C2orf69: variants seen among roughly 807,000 people sequenced by gnomAD.
C2orf69 encodes the protein chromosome 2 open reading frame 69.
A neutral mutation model predicts 29.5 loss-of-function variants in C2orf69; 19 were observed. The ratio of observed to expected loss-of-function variants is 0.65; its 90% CI spans 0.45 to 0.95. C2orf69 has a LOEUF of 0.95. Among genes scored for constraint, C2orf69 ranks in the 40% least tolerant of loss-of-function variants. The pLI is 0.00. For synonymous variants in C2orf69, 194 were observed against 180.0 expected (o/e 1.08, Z -0.62); for missense variants, 416 against 482.1 (o/e 0.86, Z 1.28).
At position 199,922,031 on chromosome 2, in the gene C2orf69, T is replaced by TATA. The variant is rs1553566021; in HGVS notation, c.334-3031_334-3030insATA. Reference sequence around the variant, plus strand: ...TTCCCCAAGGCTGCCACTGTTATTTTTATATATATATATATATATATATGC... The same window carrying TATA: ...TTCCCCAAGGCTGCCACTGTTATTTTATATATATATATATATATATATATATGC... On this transcript the variant is annotated intron_variant, in intron 1 of 1. Transcript: ENST00000319974. Among the ~76,000 whole-genome samples, 10 of 78,970 alleles carry TATA rather than the reference T, an allele frequency of 1.3e-4. No individual in the cohort carries two copies. In the South Asian group the frequency reaches 3.7e-3, roughly 30 times the overall value. 51.8% of individuals were successfully genotyped at this position (78,970 alleles called of 152,430 possible).
At position 199,925,634 on chromosome 2, in the gene C2orf69, T is replaced by A. The variant is rs1376870972; in HGVS notation, c.906T>A (p.Gly302=). 6.2e-7 allele frequency: 1 copy of A among 1,613,914 alleles called. No individual in the cohort carries two copies. The highest frequency in any genetic ancestry group is 8.5e-7 in the Non-Finnish European group (1 of 1,179,824). The change falls in exon 2 of 2, where the codon GGT becomes GGA. Residue 302 remains glycine (G), a synonymous_variant. Transcript: ENST00000319974. This position sits in a 1 kb window ranked among gnomAD's most constrained non-coding sequence, Gnocchi z 4.9. ...SIRTMYWLDG[G]HSGGSNTWVT... is the part of the protein sequence containing the mutation. ...GAACAATGTATTGGCTGGATGGTGG[T>A]CATTCTGGAGGAAGCAATACTTGGG...
At chr2:199,915,830 A>G (rs1004215860) in intron 1 of C2orf69, among the ~76,000 whole-genome samples, 3 of 152,080 alleles carry the variant, frequency 2.0e-5, no homozygotes, top group East Asian at 1.9e-4. Context: ...AGCTTCACCT[A>G]TCTTGATACT....
intron 1 of C2orf69, among the ~76,000 whole-genome samples, chr2:199,921,736 G>A (rs2077316901): frequency 6.6e-6 from 1 of 151,838 alleles, no homozygotes; most frequent in South Asian, 2.1e-4. Flanking sequence ...CTTGTTGGGG[G>A]AGAAGAATGC....
chr2:199,922,995 C>A (rs1250614629), intron 1 of C2orf69, among the ~76,000 whole-genome samples: 1 of 152,182 alleles, frequency 6.6e-6, no homozygotes, highest in Non-Finnish European at 1.5e-5. Context: ...ACATTTGCTA[C>A]TGTTGACTCC....
At chr2:199,916,346 A>G (rs2077292777) in intron 1 of C2orf69, among the ~76,000 whole-genome samples, 1 of 151,916 alleles carries the variant, frequency 6.6e-6, no homozygotes, top group African/African-American at 2.4e-5. Context: ...ACAATTCAAG[A>G]TGAGATTTGG....
At chr2:199,918,310 C>T (rs1033474135) in intron 1 of C2orf69, among the ~76,000 whole-genome samples, 2 of 151,966 alleles carry the variant, frequency 1.3e-5, no homozygotes, top group Non-Finnish European at 2.9e-5. Flanking sequence ...TTTTTAAAGC[C>T]TTGGGTATAT....
intron 1 of C2orf69, among the ~76,000 whole-genome samples, chr2:199,920,430 G>C (rs1194631073): frequency 6.6e-6 from 1 of 152,084 alleles, no homozygotes; most frequent in Admixed American, 6.6e-5. Context: ...TCTAGATTTA[G>C]AGCACCTTCT....
At position 199,927,389 on chromosome 2, in the gene C2orf69, T is replaced by G. The variant is rs1264646767; in HGVS notation, c.*1503T>G. The G allele has an allele frequency of 6.7e-6, 1 of 149,618 alleles. No individual in the cohort carries two copies. Among genetic ancestry groups the G allele is most frequent in the Non-Finnish European group, 1.5e-5 (1 of 67,406 alleles). The allele number at this position is 149,618 out of a possible 1,614,324, so 9.3% of individuals were successfully genotyped here. On this transcript the variant is annotated 3_prime_UTR_variant, in exon 2 of 2. Coordinates refer to ENST00000319974, the MANE Select transcript of C2orf69 (RefSeq NM_153689.6). The stretch of plus-strand genomic sequence containing the variant: ...CCTAGATTTATAAAGCCATATAGAA[T>G]AAAAATGTTAATTTCTTGGTTTCTT...
intron 1 of C2orf69, among the ~76,000 whole-genome samples, chr2:199,921,834 A>G (rs999541777): frequency 1.3e-5 from 2 of 151,702 alleles, no homozygotes; most frequent in Non-Finnish European, 2.9e-5. Context: ...AATTGGTTAT[A>G]TGGATGATTT....
rs1028923476 is a variant in C2orf69 at position 199,921,195 on chromosome 2, C to T, written c.334-3867C>T. Reference sequence around the variant, plus strand: ...CTAATTTTTGTATTTTTAGTAGAGACGGGGTTTCACCATGTTGGCCAGGAT... The same window carrying T: ...CTAATTTTTGTATTTTTAGTAGAGATGGGGTTTCACCATGTTGGCCAGGAT... On this transcript the variant is annotated intron_variant, in intron 1 of 1. Transcript: ENST00000319974. Among the ~76,000 whole-genome samples the T allele has an allele frequency of 1.1e-4, 17 of 151,192 alleles. 1 individual carries two copies. Among genetic ancestry groups the T allele is most frequent in the Non-Finnish European group, 1.3e-4 (9 of 67,826 alleles).
intron 1 of C2orf69, among the ~76,000 whole-genome samples, chr2:199,914,447 C>A (rs901035867): frequency 6.6e-6 from 1 of 152,128 alleles, no homozygotes; most frequent in East Asian, 1.9e-4. Flanking sequence ...TTTCATACCT[C>A]ATTTCATCAA....
At chr2:199,912,739 C>G (rs1384270658) in intron 1 of C2orf69, among the ~76,000 whole-genome samples, 1 of 152,058 alleles carries the variant, frequency 6.6e-6, no homozygotes, top group East Asian at 1.9e-4. Flanking sequence ...CTCCCGGGCT[C>G]AAGTGATTCT....
intron 1 of C2orf69, among the ~76,000 whole-genome samples, chr2:199,920,841 A>T: frequency 6.7e-6 from 1 of 149,080 alleles, no homozygotes; most frequent in Non-Finnish European, 1.5e-5. Flanking sequence ...CTGTAGTCCC[A>T]GCTACTCGGG....
intron 1 of C2orf69, among the ~76,000 whole-genome samples, chr2:199,921,198 G>T (rs2077314674): frequency 6.6e-6 from 1 of 151,368 alleles, no homozygotes; most frequent in Non-Finnish European, 1.5e-5. Context: ...GTAGAGACGG[G>T]GTTTCACCAT....
Position 199,911,591 on chromosome 2 carries a change from C to T in C2orf69, c.153C>T (p.Arg51=), listed in dbSNP as rs777904112. The T allele has an allele frequency of 3.9e-6, 6 of 1,549,636 alleles. No individual in the cohort carries two copies. Among genetic ancestry groups the T allele is most frequent in the Non-Finnish European group, 5.2e-6 (6 of 1,146,642 alleles). Residue 51 remains arginine, a synonymous_variant, in exon 1 of 2, where the codon CGC becomes CGT. Transcript: ENST00000319974. Reference sequence around the variant, plus strand: ...GCTCCCTCTCGGCCGAGGTGCGCCGCCGTCAGTGCCTGCAGCTTTCCACCG... The same window carrying T: ...GCTCCCTCTCGGCCGAGGTGCGCCGTCGTCAGTGCCTGCAGCTTTCCACCG... ...ARCSLSAEVR[R]RQCLQLSTVP...
At chr2:199,916,784 C>G (rs1401014481) in intron 1 of C2orf69, among the ~76,000 whole-genome samples, 1 of 152,216 alleles carries the variant, frequency 6.6e-6, no homozygotes, top group South Asian at 2.1e-4. Context: ...TTGCAGGGTA[C>G]AGCCCCCCTC....
chr2:199,913,377 ATATT>A lies in C2orf69; in HGVS notation c.333+1607_333+1610del, dbSNP rs1256975588. ...TATATAATATATTCTATTATGATAT[ATATT>A]ATATATAATAACATATATTATATAT... is the stretch of plus-strand genomic sequence containing the variant. On this transcript the variant is annotated intron_variant, in intron 1 of 1. Transcript: ENST00000319974. Among the ~76,000 whole-genome samples, 92 of 69,516 alleles carry A rather than the reference ATATT, an allele frequency of 1.3e-3. 4 individuals are homozygous for A. The East Asian group carries it at 0.022, about 17-fold the overall frequency. 45.6% of individuals were successfully genotyped at this position (69,516 alleles called of 152,430 possible). A position where few individuals can be genotyped will look rare whatever the true frequency, so the allele number is the denominator to read the frequency against.
chr2:199,918,761 A>T (rs549616949), intron 1 of C2orf69, among the ~76,000 whole-genome samples: 38 of 152,156 alleles, frequency 2.5e-4, no homozygotes, highest in Non-Finnish European at 4.6e-4. Flanking sequence ...TTATCCTAAA[A>T]AGTACCTCCG....
At chr2:199,920,170 T>G (rs994785043) in intron 1 of C2orf69, among the ~76,000 whole-genome samples, 1 of 152,200 alleles carries the variant, frequency 6.6e-6, no homozygotes, top group Admixed American at 6.5e-5. Context: ...TCTTTAACCT[T>G]TTCTGTAGAT....
Sources: gnomAD v4.1 joint callset for allele counts (sites outside exome capture counted in the v4.1 genomes callset) on GRCh38, gnomAD v4.1.1 for gene constraint, Gnocchi (gnomAD v3.1) non-coding constraint, MANE v1.5 for transcripts, NCBI Gene and HGNC (gene_info 2026-07-23, HGNC 2026-07-21) for gene names.